Variants in CD63 observed in about 807,000 individuals in gnomAD.
CD63 encodes the protein CD63 molecule.
Under a neutral mutation model 29.2 loss-of-function variants are expected in CD63, and 16 were observed. The observed-to-expected ratio is 0.55, with a 90% CI of 0.37 to 0.83. CD63 has a LOEUF of 0.83. Ranked by LOEUF, CD63 falls within the 40% of genes least tolerant of loss-of-function variation. The pLI, the probability that CD63 is intolerant of heterozygous loss-of-function variation, is 0.00. For synonymous variants in CD63, 118 were observed against 111.7 expected (o/e 1.06, Z -0.36); for missense variants, 251 against 297.3 (o/e 0.84, Z 1.15).
chr12:55,725,972 T>C, intron 6 of CD63, 76 bp from the exon 7 acceptor site: 1 of 1,437,646 alleles, frequency 7.0e-7, no homozygotes, highest in Non-Finnish European at 9.7e-7. Flanking sequence ...GGTCCATCAG[T>C]CTCTTCCCTG....
At chr12:55,723,970 G>C (rs893725422), downstream of CD63, 2 of 1,614,110 alleles carry the variant, frequency 1.2e-6, no homozygotes, top group East Asian at 4.5e-5. Flanking sequence ...TGGAGAGTCT[G>C]GAGAAAACCC....
chr12:55,728,288 C>A lies in CD63; in HGVS notation c.54G>T (p.Leu18=), dbSNP rs1368282439. The A allele has an allele frequency of 1.2e-6, 2 of 1,610,518 alleles. No individual in the cohort carries two copies. The highest frequency in any genetic ancestry group is 3.4e-5 in the Admixed American group (2 of 59,664). The part of the protein sequence containing the change: ...KCVKFLLYVL[L]LAFCACAVGL... Reference sequence around the variant, plus strand: ...CCTCGCCACTCACGCAAAAGGCCAGCAGGAGGACGTAGAGCAAGAACTTCA... The same window carrying A: ...CCTCGCCACTCACGCAAAAGGCCAGAAGGAGGACGTAGAGCAAGAACTTCA... Residue 18 remains leucine (L), a synonymous_variant, in exon 2 of 8, where the codon CTG becomes CTT. Coordinates refer to ENST00000257857, the MANE Select transcript of CD63 (RefSeq NM_001780.6). The surrounding 1 kb of genome is among the most constrained non-coding windows in gnomAD (Gnocchi z 4.8).
chr12:55,729,238 G>T, upstream of CD63: 1 of 754,822 alleles, frequency 1.3e-6, no homozygotes, highest in Non-Finnish European at 1.6e-6. Flanking sequence ...AAAGCCGCAA[G>T]GGCAAGACCT....
At chr12:55,726,042 G>C (rs1877289183) in intron 6 of CD63, 79 bp downstream of exon 6, 1 of 1,551,410 alleles carries the variant, frequency 6.4e-7, no homozygotes, top group East Asian at 2.3e-5. Context: ...CCCTGACCCT[G>C]TCCACCTCCA....
In CD63 at chr12:55,728,248, G is replaced by T; in HGVS notation, c.66+28C>A. On this transcript the variant is annotated intron_variant, in intron 2 of 7. Transcript: ENST00000257857. The surrounding 1 kb of genome is among the most constrained non-coding windows in gnomAD (Gnocchi z 4.8). ...CCAGGTCTCCCCGCACCCTGCCGGC[G>T]CGCCCCCCAGGACCCCTCGCCACTC... The T allele has an allele frequency of 6.3e-7, 1 of 1,591,066 alleles. No homozygotes were observed. Among genetic ancestry groups the T allele is most frequent in the Non-Finnish European group, 8.6e-7 (1 of 1,165,570 alleles).
In CD63 at chr12:55,728,746, C is replaced by T. The variant is rs1402424608; in HGVS notation, c.-12+207G>A. 6 of 997,166 alleles carry T rather than the reference C, an allele frequency of 6.0e-6. No homozygotes were observed. The African/African-American group carries it at 8.7e-5, about 14-fold the overall frequency. The allele number at this position is 997,166 out of a possible 1,614,324, so 61.8% of individuals were successfully genotyped here. A position where few individuals can be genotyped will look rare whatever the true frequency, so the allele number is the denominator to read the frequency against. ...CAGCCCCTTTCCCCTGGGCTCTGAC[C>T]TCCCCGCCCACCAAAAAAAAAAAAA... On this transcript the variant is annotated intron_variant, in intron 1 of 7. Coordinates refer to ENST00000257857, the MANE Select transcript of CD63 (RefSeq NM_001780.6). This position sits in a 1 kb window ranked among gnomAD's most constrained non-coding sequence, Gnocchi z 4.8.
intron 5 of CD63, 97 bp from the exon 6 acceptor site, chr12:55,726,358 T>G (rs1233233804): frequency 9.4e-7 from 1 of 1,058,366 alleles, no homozygotes; most frequent in Non-Finnish European, 1.3e-6. Flanking sequence ...TTTTTTTTTT[T>G]TGAGACAGAG....
intron 2 of CD63, chr12:55,727,567 A>C: frequency 7.7e-7 from 1 of 1,305,548 alleles, no homozygotes; most frequent in Non-Finnish European, 9.7e-7. Flanking sequence ...GACCAAATTC[A>C]AAAACCTCCC....
chr12:55,728,261 C>G lies in CD63; in HGVS notation c.66+15G>C, dbSNP rs1253277998. 6.2e-7 allele frequency: 1 copy of G among 1,605,394 alleles called. No homozygotes were observed. Among genetic ancestry groups the G allele is most frequent in the Admixed American group, 1.7e-5 (1 of 59,050 alleles). On this transcript the variant is annotated intron_variant, in intron 2 of 7. Transcript: ENST00000257857. This position sits in a 1 kb window ranked among gnomAD's most constrained non-coding sequence, Gnocchi z 4.8. The stretch of plus-strand genomic sequence containing the variant: ...CACCCTGCCGGCGCGCCCCCCAGGA[C>G]CCCTCGCCACTCACGCAAAAGGCCA...
chr12:55,728,174 G>C lies in CD63; in HGVS notation c.66+102C>G. On this transcript the variant is annotated intron_variant, in intron 2 of 7. Coordinates refer to ENST00000257857, the MANE Select transcript of CD63 (RefSeq NM_001780.6). This position sits in a 1 kb window ranked among gnomAD's most constrained non-coding sequence, Gnocchi z 4.8. ...TTCCCTGGCTTTCTTTCCACATCTG[G>C]TCTCCAGCTGCCTTAATTCTCATTC... The C allele has an allele frequency of 9.3e-7, 1 of 1,080,392 alleles. No homozygotes were observed. The highest frequency in any genetic ancestry group is 1.4e-6 in the Non-Finnish European group (1 of 721,256). 66.9% of individuals were successfully genotyped at this position (1,080,392 alleles called of 1,614,324 possible). A position where few individuals can be genotyped will look rare whatever the true frequency, so the allele number is the denominator to read the frequency against.
intron 6 of CD63, 86 bp downstream of exon 6, chr12:55,726,035 T>C: frequency 2.8e-6 from 4 of 1,449,828 alleles, no homozygotes; most frequent in Non-Finnish European, 3.8e-6. Context: ...TCCCCATCCC[T>C]GACCCTGTCC....
chr12:55,726,952 G>A lies in CD63; in HGVS notation c.268C>T (p.Leu90=). 6 of 1,614,090 alleles carry A rather than the reference G, an allele frequency of 3.7e-6. No individual in the cohort carries two copies. The highest frequency in any genetic ancestry group is 5.1e-6 in the Non-Finnish European group (6 of 1,179,998). ...YCLMITFAIF[L]SLIMLVEVAA... ...ACCTCCACCAACATGATAAGAGACA[G>A]AAAGATGGCAAACTGCAGGAGCAAA... The change falls in exon 4 of 8, where the codon CTG becomes TTG. Residue 90 remains leucine, a synonymous_variant. Transcript: ENST00000257857.
intron 2 of CD63, chr12:55,727,714 T>G (rs1417648350): frequency 9.6e-7 from 1 of 1,046,102 alleles, no homozygotes; most frequent in Non-Finnish European, 1.2e-6. Flanking sequence ...GCGCATCAGC[T>G]GTGACTAAGG....
In CD63 at chr12:55,728,572, C is replaced by G. The variant is rs1877680238; in HGVS notation, c.-11-220G>C. The G allele has an allele frequency of 1.3e-5, 19 of 1,418,894 alleles. No homozygotes were observed. Among genetic ancestry groups the G allele is most frequent in the Non-Finnish European group, 1.7e-5 (18 of 1,090,576 alleles). The allele number at this position is 1,418,894 out of a possible 1,614,324, so 87.9% of individuals were successfully genotyped here. ...AAGCCCGGACCCCGCCCCGCCGCCT[C>G]TGGGGCCCAGGACAGATCCAAGGGC... is the stretch of plus-strand genomic sequence containing the variant. On this transcript the variant is annotated intron_variant, in intron 1 of 7. Transcript: ENST00000257857. The surrounding 1 kb of genome is among the most constrained non-coding windows in gnomAD (Gnocchi z 4.8).
chr12:55,727,924 G>A (rs1877598871), intron 2 of CD63: 1 of 1,169,156 alleles, frequency 8.6e-7, no homozygotes, highest in Non-Finnish European at 1.1e-6. Context: ...GAGGGTTGGG[G>A]AGGGAGAGAG....
Position 55,725,837 on chromosome 12 carries a change from T to C in CD63, c.627A>G (p.Ala209=). ...LRKNVLVVAA[A]ALGIAFVEVL... ...CCTCGACAAAAGCAATTCCAAGGGC[T>C]GCTGCAGCTACCACCAGCACATTTT... The change falls in exon 7 of 8, where the codon GCA becomes GCG. Residue 209 remains alanine, a synonymous_variant. Transcript: ENST00000257857. 6.2e-7 allele frequency: 1 copy of C among 1,614,140 alleles called. No individual in the cohort carries two copies. Among genetic ancestry groups the C allele is most frequent in the Non-Finnish European group, 8.5e-7 (1 of 1,180,016 alleles).
chr12:55,724,731 A>C (rs1877125673), downstream of CD63: 2 of 667,538 alleles, frequency 3.0e-6, no homozygotes, highest in South Asian at 1.7e-5. Context: ...AGTGCCAACT[A>C]CTCCAAACCG....
Position 55,728,160 on chromosome 12 carries a change from T to G in CD63, c.66+116A>C, listed in dbSNP as rs1220659737. ...TGGCTGCGCTGTCTTTCCCTGGCTT[T>G]CTTTCCACATCTGGTCTCCAGCTGC... is the stretch of plus-strand genomic sequence containing the variant. On this transcript the variant is annotated intron_variant, in intron 2 of 7. Transcript: ENST00000257857. The surrounding 1 kb of genome is among the most constrained non-coding windows in gnomAD (Gnocchi z 4.8). The G allele has an allele frequency of 2.1e-5, 21 of 996,642 alleles. No homozygotes were observed. The highest frequency in any genetic ancestry group is 2.1e-4 in the Middle Eastern group (1 of 4,836). The allele number at this position is 996,642 out of a possible 1,614,324, so 61.7% of individuals were successfully genotyped here.
chr12:55,727,959 C>G (rs1235533668), intron 2 of CD63: 1 of 1,210,040 alleles, frequency 8.3e-7, no homozygotes, highest in African/African-American at 1.6e-5. Context: ...CGAAGGGAAG[C>G]CCCATGGCGA....
Sources: allele counts gnomAD v4.1 joint callset, GRCh38; gene constraint gnomAD v4.1.1; non-coding constraint Gnocchi (gnomAD v3.1); transcripts MANE v1.5; gene names NCBI Gene and HGNC (gene_info 2026-07-23, HGNC 2026-07-21).